PCDHA8: variants seen among roughly 807,000 people sequenced by gnomAD.
PCDHA8 encodes the protein protocadherin alpha-8.
PCDHA8 carries 53 observed loss-of-function variants against 61.8 expected under a neutral mutation model. That is an observed-to-expected ratio of 0.86 (90% CI 0.69 to 1.08). The LOEUF is 1.08. PCDHA8 is among the 50% of genes least tolerant of loss of function. The pLI is 0.00. For missense variants in PCDHA8, 1,293 were observed against 1,245.0 expected (o/e 1.04, Z -0.58); for synonymous variants, 618 against 556.6 (o/e 1.11, Z -1.55).
chr5:140,913,276 CT>C (rs1468388675), intron 1 of PCDHA8, among the ~76,000 whole-genome samples: 1 of 152,070 alleles, frequency 6.6e-6, no homozygotes, highest in Non-Finnish European at 1.5e-5. Flanking sequence ...TGTTATTGGT[CT>C]GTTTAGGTTT....
At chr5:140,887,204 C>T (rs1438790748) in intron 1 of PCDHA8, among the ~76,000 whole-genome samples, 7 of 151,828 alleles carry the variant, frequency 4.6e-5, no homozygotes, top group African/African-American at 1.5e-4. Flanking sequence ...TCACGCCATT[C>T]TCCTGCCTCA....
chr5:140,914,816 A>T (rs2076855290), intron 1 of PCDHA8, among the ~76,000 whole-genome samples: 1 of 152,208 alleles, frequency 6.6e-6, no homozygotes, highest in African/African-American at 2.4e-5. Context: ...AACTTAACAG[A>T]CTGCATAAAC....
intron 1 of PCDHA8, chr5:140,884,638 G>C: frequency 6.2e-7 from 1 of 1,610,712 alleles, no homozygotes; most frequent in South Asian, 1.1e-5. Context: ...GCCAGAGGGA[G>C]GAGGACTCAG....
chr5:140,859,450 G>T, intron 1 of PCDHA8: 1 of 220,914 alleles, frequency 4.5e-6, no homozygotes, highest in Non-Finnish European at 8.7e-6. Context: ...TAGTTGCAGA[G>T]TGACAAAACT....
rs1263474406 is a variant in PCDHA8, at chr5:140,967,341, A to G, written c.2395-11608A>G. ...ACCTACGAGCTCAGCCCCAGCGAGCACTTCGAGCTGGACCTTAAGCCCCTG... is the reference window on the plus strand; with the variant it reads ...ACCTACGAGCTCAGCCCCAGCGAGCGCTTCGAGCTGGACCTTAAGCCCCTG... On this transcript the variant is annotated intron_variant, in intron 1 of 3. Coordinates refer to ENST00000531613, the MANE Select transcript of PCDHA8 (RefSeq NM_018911.3). 3 of 1,607,922 alleles carry G rather than the reference A, an allele frequency of 1.9e-6. No homozygotes were observed. The highest frequency in any genetic ancestry group is 1.3e-5 in the African/African-American group (1 of 74,782).
intron 3 of PCDHA8, among the ~76,000 whole-genome samples, chr5:140,997,165 G>A (rs1554255769): frequency 6.6e-6 from 1 of 151,976 alleles, no homozygotes; most frequent in African/African-American, 2.4e-5. Flanking sequence ...CCTGCCCAGA[G>A]TGGTACATTC....
intron 1 of PCDHA8, among the ~76,000 whole-genome samples, chr5:140,970,698 A>G (rs2096425914): frequency 6.6e-6 from 1 of 152,228 alleles, no homozygotes; most frequent in Non-Finnish European, 1.5e-5. Flanking sequence ...TTTTAGAGCT[A>G]CTACACAATG....
At position 140,928,189 on chromosome 5, in the gene PCDHA8, G is replaced by GTGA. The variant is rs1321549982; in HGVS notation, c.2395-50758_2395-50757insATG. On this transcript the variant is annotated intron_variant, in intron 1 of 3. Transcript: ENST00000531613. The stretch of plus-strand genomic sequence containing the variant: ...ACTTAGCACCCGAAGGACAATCACT[G>GTGA]TGTCAGTTGCTGATGTGAATGACAA... 5 of 1,614,096 alleles carry GTGA rather than the reference G, an allele frequency of 3.1e-6. No homozygotes were observed. In the East Asian group the frequency reaches 8.9e-5, roughly 29 times the overall value.
intron 1 of PCDHA8, chr5:140,969,253 C>G (rs200334724): frequency 7.4e-6 from 12 of 1,614,084 alleles, no homozygotes; most frequent in Non-Finnish European, 8.5e-7. Context: ...TGACTGACAG[C>G]AGGAATCTCA....
chr5:140,867,224 C>A (rs1432488021), intron 1 of PCDHA8: 7 of 152,034 alleles, frequency 4.6e-5, no homozygotes, highest in African/African-American at 1.4e-4. Flanking sequence ...TCCCCAATTC[C>A]CATAATAAGG....
intron 1 of PCDHA8, chr5:140,862,685 C>A (rs782248340): frequency 7.2e-6 from 4 of 552,774 alleles, no homozygotes; most frequent in Non-Finnish European, 1.4e-5. Context: ...GTGCTGGTGT[C>A]CTACTCGTTG....
intron 1 of PCDHA8, among the ~76,000 whole-genome samples, chr5:140,958,384 C>G (rs1352428582): frequency 6.6e-6 from 1 of 152,098 alleles, no homozygotes; most frequent in Non-Finnish European, 1.5e-5. Context: ...ATTTTCTTAA[C>G]AGGTCATCAA....
chr5:140,921,940 C>T (rs114983283), intron 1 of PCDHA8, among the ~76,000 whole-genome samples: 6,108 of 151,846 alleles, frequency 0.04, 136 homozygotes, highest in Non-Finnish European at 0.052. Context: ...TATAATTTTA[C>T]ACTTGTAAAA....
At chr5:140,954,577 A>T (rs1426426958) in intron 1 of PCDHA8, among the ~76,000 whole-genome samples, 2 of 151,954 alleles carry the variant, frequency 1.3e-5, no homozygotes, top group Non-Finnish European at 1.5e-5. Flanking sequence ...TTCTTTTCAG[A>T]AGTGTCTGTT....
chr5:140,943,505 T>C (rs938907371), intron 1 of PCDHA8, among the ~76,000 whole-genome samples: 13 of 152,106 alleles, frequency 8.5e-5, no homozygotes, highest in Non-Finnish European at 1.8e-4. Flanking sequence ...TCAAGGTTCA[T>C]GGAAATGTTG....
At chr5:140,966,825 T>C in intron 1 of PCDHA8, 3 of 1,560,026 alleles carry the variant, frequency 1.9e-6, no homozygotes, top group Non-Finnish European at 2.6e-6. Flanking sequence ...CGGCGGCCCA[T>C]GCCCTGGCTG....
Position 140,858,345 on chromosome 5 carries a change from A to G in PCDHA8, c.2394+14630A>G, listed in dbSNP as rs782668038. 4 of 1,594,626 alleles carry G rather than the reference A, an allele frequency of 2.5e-6. 1 individual carries two copies. The African/African-American group carries it at 5.4e-5, about 21-fold the overall frequency. On this transcript the variant is annotated intron_variant, in intron 1 of 3. Coordinates refer to ENST00000531613, the MANE Select transcript of PCDHA8 (RefSeq NM_018911.3). ...TCTGGGGAGGGCCTGCCCAAGGCGGACCTCATGGCCTTCAGCCCCAGCCTT... is the reference window on the plus strand; with the variant it reads ...TCTGGGGAGGGCCTGCCCAAGGCGGGCCTCATGGCCTTCAGCCCCAGCCTT...
chr5:140,921,809 C>T (rs886599958), intron 1 of PCDHA8, among the ~76,000 whole-genome samples: 2 of 151,940 alleles, frequency 1.3e-5, no homozygotes, highest in African/African-American at 4.8e-5. Context: ...AGATAAGATA[C>T]ATGTGTGAAT....
chr5:140,861,768 T>TACCA (rs3834243), intron 1 of PCDHA8: 106,057 of 158,892 alleles, frequency 0.67, 35,632 homozygotes, highest in African/African-American at 0.71. Flanking sequence ...TCCCTGGAAA[T>TACCA]ACCAAGAGCA....
Sources: allele counts gnomAD v4.1 joint callset (sites outside exome capture counted in the v4.1 genomes callset), GRCh38; gene constraint gnomAD v4.1.1; transcripts MANE v1.5; gene names NCBI Gene and HGNC (gene_info 2026-07-23, HGNC 2026-07-21).